Variants in TTC17 observed in about 807,000 individuals in gnomAD.
TTC17 encodes tetratricopeptide repeat domain 17.
TTC17 carries 58 observed loss-of-function variants against 143.8 expected under a neutral mutation model. The observed-to-expected ratio is 0.40, with a 90% CI of 0.33 to 0.50. TTC17 has a LOEUF of 0.50. TTC17 is among the 20% of genes least tolerant of loss of function. The pLI, the probability that TTC17 is intolerant of heterozygous loss-of-function variation, is 0.49. For missense variants in TTC17, 1,273 were observed against 1,392.5 expected (o/e 0.91, Z 1.37); for synonymous variants, 501 against 497.8 (o/e 1.01, Z -0.09).
At chr11:43,468,502 A>G (rs1325221936) in intron 21 of TTC17, 1 of 152,268 alleles carries the variant, frequency 6.6e-6, no homozygotes, top group African/African-American at 2.4e-5. Context: ...GAGATAAATT[A>G]TAGACATAAA....
At chr11:43,446,272 A>C in intron 18 of TTC17, 1 of 825,272 alleles carries the variant, frequency 1.2e-6, no homozygotes. Flanking sequence ...AAACTTCAAA[A>C]TCAAGTGCCA....
intron 15 of TTC17, among the ~76,000 whole-genome samples, chr11:43,409,847 C>CTTTTTTTTTTTT (rs1435453658): frequency 1.4e-5 from 2 of 143,948 alleles, no homozygotes; most frequent in African/African-American, 5.1e-5. Flanking sequence ...TTTTTCTTTT[C>CTTTTTTTTTTTT]TTTTTTTTTT....
chr11:43,376,739 A>G (rs757683683), intron 1 of TTC17, among the ~76,000 whole-genome samples: 5 of 152,230 alleles, frequency 3.3e-5, no homozygotes, highest in Non-Finnish European at 7.3e-5. Context: ...GGCCTGGCTT[A>G]TAGAAGCTTA....
At chr11:43,391,747 A>T in intron 4 of TTC17, 74 bp from the exon 5 acceptor site, 2 of 1,535,860 alleles carry the variant, frequency 1.3e-6, no homozygotes, top group South Asian at 2.5e-5. Flanking sequence ...CAAAATAAAC[A>T]CTACAAGATA....
intron 21 of TTC17, among the ~76,000 whole-genome samples, chr11:43,470,557 C>G (rs1384323479): frequency 1.3e-5 from 2 of 152,112 alleles, no homozygotes; most frequent in African/African-American, 4.8e-5. Context: ...GGTTTACCAA[C>G]CAGTGTTATT....
chr11:43,380,831 T>TATCACTTGTAA (rs1856939834), intron 2 of TTC17, among the ~76,000 whole-genome samples: 1 of 152,220 alleles, frequency 6.6e-6, no homozygotes, highest in African/African-American at 2.4e-5. Flanking sequence ...CTACTGGTTT[T>TATCACTTGTAA]ATCACTTGTA....
rs571278182 is a variant in TTC17 at position 43,380,622 on chromosome 11, A to G, written c.249+1300A>G. 2.6e-5 allele frequency among the ~76,000 whole-genome samples: 4 copies of G among 152,346 alleles called. No individual in the cohort carries two copies. The East Asian group carries it at 7.7e-4, about 29-fold the overall frequency. On this transcript the variant is annotated intron_variant, in intron 2 of 23. Coordinates refer to ENST00000039989, the MANE Select transcript of TTC17 (RefSeq NM_018259.6). ...TTGTTATGTAAAAGTCCCGAATTTC[A>G]TTTACATACATTTAGTATATTTATC... is the stretch of plus-strand genomic sequence containing the variant.
At chr11:43,362,460 A>G (rs568415425) in intron 1 of TTC17, among the ~76,000 whole-genome samples, 22 of 152,298 alleles carry the variant, frequency 1.4e-4, no homozygotes, top group African/African-American at 4.8e-4. Context: ...ATGCGTATGT[A>G]TTGGAAATGG....
At chr11:43,397,879 C>T in intron 7 of TTC17, 95 bp from the exon 8 acceptor site, 1 of 1,505,376 alleles carries the variant, frequency 6.6e-7, no homozygotes, top group South Asian at 1.3e-5. Context: ...TGCAACCAGG[C>T]CGTGGCTAAC....
chr11:43,442,193 G>C (rs1410090443), intron 16 of TTC17, among the ~76,000 whole-genome samples: 2 of 152,154 alleles, frequency 1.3e-5, no homozygotes, highest in Non-Finnish European at 2.9e-5. Flanking sequence ...AGGTACAGGG[G>C]AAATACAGTA....
At chr11:43,433,663 A>G (rs1286850110) in intron 16 of TTC17, among the ~76,000 whole-genome samples, 2 of 152,216 alleles carry the variant, frequency 1.3e-5, no homozygotes, top group Non-Finnish European at 2.9e-5. Context: ...AAGTTTAAAA[A>G]GATGAGACCA....
intron 1 of TTC17, among the ~76,000 whole-genome samples, chr11:43,359,559 C>G (rs934428288): frequency 4.6e-5 from 7 of 152,230 alleles, no homozygotes; most frequent in Non-Finnish European, 7.3e-5. Flanking sequence ...TTCTGGACCC[C>G]TAGCCTGTGG....
At chr11:43,405,446 A>C in intron 11 of TTC17, 68 bp from the exon 12 acceptor site, 1 of 1,163,656 alleles carries the variant, frequency 8.6e-7, no homozygotes. Flanking sequence ...TATCATTTTA[A>C]AAGTTTATTT....
At chr11:43,453,148 C>T (rs923190744) in intron 21 of TTC17, among the ~76,000 whole-genome samples, 2 of 146,690 alleles carry the variant, frequency 1.4e-5, no homozygotes, top group African/African-American at 5.1e-5. Flanking sequence ...CAGAAAGGGA[C>T]ATAGAGGACA....
intron 21 of TTC17, among the ~76,000 whole-genome samples, chr11:43,474,849 TAAG>T (rs78288728): frequency 0.17 from 25,934 of 152,138 alleles, 2,890 homozygotes; most frequent in Non-Finnish European, 0.24. Flanking sequence ...AAGAAAATGT[TAAG>T]AAAATCACAA....
chr11:43,412,027 A>G (rs1314824122), intron 15 of TTC17, among the ~76,000 whole-genome samples: 1 of 152,220 alleles, frequency 6.6e-6, no homozygotes, highest in African/African-American at 2.4e-5. Flanking sequence ...TAATAATAAA[A>G]TAAATTTAAA....
chr11:43,487,746 T>G (rs1423113029), intron 21 of TTC17, among the ~76,000 whole-genome samples: 1 of 152,160 alleles, frequency 6.6e-6, no homozygotes, highest in Non-Finnish European at 1.5e-5. Flanking sequence ...CAGCAGAAAT[T>G]TATTTTATCA....
chr11:43,424,231 TACAGGTGCCCACC>T (rs928142281), intron 16 of TTC17, among the ~76,000 whole-genome samples: 3 of 151,782 alleles, frequency 2.0e-5, no homozygotes, highest in African/African-American at 7.3e-5. Flanking sequence ...TAGCTGGAAA[TACAGGTGCCCACC>T]ACCATGCCTG....
chr11:43,421,709 AG>A (rs1213230336), intron 16 of TTC17, among the ~76,000 whole-genome samples: 1 of 151,262 alleles, frequency 6.6e-6, no homozygotes, highest in East Asian at 1.9e-4. Context: ...ATTTAGTTGC[AG>A]GAAAATAAGC....
Sources: allele counts gnomAD v4.1 joint callset (sites outside exome capture counted in the v4.1 genomes callset), GRCh38; gene constraint gnomAD v4.1.1; transcripts MANE v1.5; gene names NCBI Gene and HGNC (gene_info 2026-07-23, HGNC 2026-07-21).